SHISA5: variants seen among roughly 807,000 people sequenced by gnomAD.
SHISA5 encodes the protein shisa family member 5, also known as protein shisa-5.
Under a neutral mutation model 27.5 loss-of-function variants are expected in SHISA5, and 21 were observed. The ratio of observed to expected loss-of-function variants is 0.76; its 90% CI spans 0.54 to 1.10. The LOEUF (loss-of-function observed/expected upper bound fraction) is 1.10, where lower values mean the gene tolerates loss of function less well. Among genes scored for constraint, SHISA5 ranks in the 50% least tolerant of loss-of-function variants. SHISA5 has a pLI of 0.00. For synonymous variants in SHISA5, 137 were observed against 142.2 expected (o/e 0.96, Z 0.26); for missense variants, 314 against 336.3 (o/e 0.93, Z 0.52).
At chr3:48,485,802 T>G (rs1575320851) in intron 2 of SHISA5, among the ~76,000 whole-genome samples, 1 of 151,400 alleles carries the variant, frequency 6.6e-6, no homozygotes, top group East Asian at 1.9e-4. Flanking sequence ...GCTGAGGTCC[T>G]TTTTCTCCTT....
At chr3:48,490,579 T>C (rs1450161637) in intron 2 of SHISA5, among the ~76,000 whole-genome samples, 1 of 152,202 alleles carries the variant, frequency 6.6e-6, no homozygotes, top group Non-Finnish European at 1.5e-5. Flanking sequence ...CCCAAATTCC[T>C]ATCTAAGGGG....
chr3:48,471,578 A>AAAT lies in SHISA5; in HGVS notation c.315-1736_315-1735insATT, dbSNP rs199983750. Among the ~76,000 whole-genome samples the AAAT allele has an allele frequency of 7.0e-5, 8 of 113,622 alleles. 2 individuals are homozygous for AAAT. The highest frequency in any genetic ancestry group is 5.4e-4 in the East Asian group (2 of 3,694). The allele number at this position is 113,622 out of a possible 152,430, so 74.5% of individuals were successfully genotyped here. The stretch of plus-strand genomic sequence containing the variant: ...TCAAAAAAAAAAAAAAAAAAAAAAA[A>AAAT]GTCAGCCTTACATTTTGTACTGGAT... On this transcript the variant is annotated intron_variant, in intron 3 of 5. Coordinates refer to ENST00000296444, the MANE Select transcript of SHISA5 (RefSeq NM_016479.6).
chr3:48,501,073 C>G, intron 2 of SHISA5, 64 bp downstream of exon 2: 7 of 1,515,946 alleles, frequency 4.6e-6, no homozygotes, highest in Non-Finnish European at 6.2e-6. Context: ...TATCTCTCTT[C>G]CACATACTCT....
Position 48,500,601 on chromosome 3 carries a change from C to T in SHISA5, c.233+536G>A, listed in dbSNP as rs138244583. 4.7e-3 allele frequency among the ~76,000 whole-genome samples: 722 copies of T among 152,262 alleles called. 6 individuals are homozygous for T. Among genetic ancestry groups the T allele is most frequent in the African/African-American group, 0.016 (680 of 41,558 alleles). ...ATACAGAATACGGCAAAGAGCCACA[C>T]ACAGGGGCCTGGAACCTTGGTCCCA... On this transcript the variant is annotated intron_variant, in intron 2 of 5. Transcript: ENST00000296444.
chr3:48,485,640 GTATA>G (rs1461020099), intron 2 of SHISA5, among the ~76,000 whole-genome samples: 1 of 142,018 alleles, frequency 7.0e-6, no homozygotes, highest in Non-Finnish European at 1.5e-5. Context: ...TTATATATAA[GTATA>G]TATTATATTT....
intron 2 of SHISA5, among the ~76,000 whole-genome samples, chr3:48,500,889 A>G (rs1268391032): frequency 1.3e-5 from 2 of 152,094 alleles, no homozygotes; most frequent in African/African-American, 2.4e-5. Context: ...ACCTCTAAGA[A>G]ACCTGCTCAG....
Position 48,473,085 on chromosome 3 carries a change from C to T in SHISA5, c.315-3242G>A. The T allele has an allele frequency of 6.7e-7, 1 of 1,502,726 alleles. No homozygotes were observed. Among genetic ancestry groups the T allele is most frequent in the Admixed American group, 2.4e-5 (1 of 42,182 alleles). The allele number at this position is 1,502,726 out of a possible 1,614,324, so 93.1% of individuals were successfully genotyped here. Reference sequence around the variant, plus strand: ...TCCCCTCTTCCCATCGTGGGCCACTCAGTTTCAATTTCCTCCCCTTTTGGA... The same window carrying T: ...TCCCCTCTTCCCATCGTGGGCCACTTAGTTTCAATTTCCTCCCCTTTTGGA... On this transcript the variant is annotated intron_variant, in intron 3 of 5. Transcript: ENST00000296444. The surrounding 1 kb of genome is among the most constrained non-coding windows in gnomAD (Gnocchi z 4.3).
rs2040688640 is a variant in SHISA5 at position 48,472,903 on chromosome 3, A to G, written c.315-3060T>C. On this transcript the variant is annotated intron_variant, in intron 3 of 5. Transcript: ENST00000296444. ...GGCAGGAATGGAGAAACGCACACAC[A>G]TTCACACGCCATCAATGACATGCGA... 6.9e-6 allele frequency: 8 copies of G among 1,153,054 alleles called. No individual in the cohort carries two copies. The Admixed American group carries it at 1.0e-4, about 15-fold the overall frequency. 71.4% of individuals were successfully genotyped at this position (1,153,054 alleles called of 1,614,324 possible). A position where few individuals can be genotyped will look rare whatever the true frequency, so the allele number is the denominator to read the frequency against.
Position 48,501,193 on chromosome 3 carries a change from A to C in SHISA5, c.177T>G (p.Ser59=). 6.2e-7 allele frequency: 1 copy of C among 1,614,126 alleles called. No individual in the cohort carries two copies. Among genetic ancestry groups the C allele is most frequent in the Non-Finnish European group, 8.5e-7 (1 of 1,179,988 alleles). Residue 59 remains serine, a synonymous_variant, in exon 2 of 6, where the codon TCT becomes TCG. Transcript: ENST00000296444. ...TCCACACAAATTTCTTCAGCACGTC[A>C]GAGCAGCAGTATTGGTCATCACAGG... The part of the protein sequence containing the change: ...CGTCDDQYCC[S]DVLKKFVWSE...
At chr3:48,485,098 G>C (rs2041154166) in intron 2 of SHISA5, among the ~76,000 whole-genome samples, 1 of 152,042 alleles carries the variant, frequency 6.6e-6, no homozygotes, top group Non-Finnish European at 1.5e-5. Flanking sequence ...AGGATCACTT[G>C]AGGGAGGTAG....
At chr3:48,479,390 G>T in intron 2 of SHISA5, 133 bp from the exon 3 acceptor site, 1 of 741,486 alleles carries the variant, frequency 1.3e-6, no homozygotes. Context: ...TCCAGAGGTG[G>T]ACTCTGCCCA....
rs918735482 is a variant in SHISA5 at position 48,473,036 on chromosome 3, G to A, written c.315-3193C>T. 4 of 1,535,574 alleles carry A rather than the reference G, an allele frequency of 2.6e-6. No individual in the cohort carries two copies. In the African/African-American group the frequency reaches 5.5e-5, roughly 21 times the overall value. On this transcript the variant is annotated intron_variant, in intron 3 of 5. Transcript: ENST00000296444. The surrounding 1 kb of genome is among the most constrained non-coding windows in gnomAD (Gnocchi z 4.3). Reference sequence around the variant, plus strand: ...CCATGTTAGCCTCTGCCTTCACCCAGAGGCCTCCTGTACCCCTGGGCTTTC... The same window carrying A: ...CCATGTTAGCCTCTGCCTTCACCCAAAGGCCTCCTGTACCCCTGGGCTTTC...
intron 1 of SHISA5, chr3:48,503,020 C>G (rs2041801267): frequency 9.4e-7 from 1 of 1,068,122 alleles, no homozygotes; most frequent in African/African-American, 1.6e-5. Flanking sequence ...CAGCTCCAGG[C>G]AGAACCCTGC....
At chr3:48,479,073 C>A in intron 3 of SHISA5, 104 bp downstream of exon 3, 1 of 1,047,058 alleles carries the variant, frequency 9.6e-7, no homozygotes, top group Admixed American at 2.1e-5. Flanking sequence ...TGGGCTCCAC[C>A]CCAATGACCG....
At chr3:48,472,267 C>T (rs538110812) in intron 3 of SHISA5, among the ~76,000 whole-genome samples, 4 of 152,180 alleles carry the variant, frequency 2.6e-5, no homozygotes, top group Admixed American at 6.5e-5. Flanking sequence ...GCAGGCGGAT[C>T]GCCTGAGGTC....
At chr3:48,480,007 C>T (rs550035251) in intron 2 of SHISA5, among the ~76,000 whole-genome samples, 3 of 151,970 alleles carry the variant, frequency 2.0e-5, no homozygotes, top group Non-Finnish European at 2.9e-5. Flanking sequence ...GGCTTCACAC[C>T]GTTCTCCTGC....
At chr3:48,486,305 T>C (rs1157187368) in intron 2 of SHISA5, among the ~76,000 whole-genome samples, 44 of 68,454 alleles carry the variant, frequency 6.4e-4, no homozygotes, top group Non-Finnish European at 4.3e-4. Context: ...TATTATATAT[T>C]ATATAATATA....
intron 2 of SHISA5, among the ~76,000 whole-genome samples, chr3:48,497,551 G>C (rs143725484): frequency 2.6e-5 from 4 of 151,424 alleles, no homozygotes; most frequent in Non-Finnish European, 5.9e-5. Context: ...GTGAGCCACC[G>C]CACCCGGCCA....
chr3:48,480,701 G>A (rs2040980545), intron 2 of SHISA5, among the ~76,000 whole-genome samples: 1 of 152,108 alleles, frequency 6.6e-6, no homozygotes, highest in Admixed American at 6.6e-5. Flanking sequence ...GGAGGTTGCA[G>A]TAAGCTCAGA....
Sources: allele counts gnomAD v4.1 joint callset (sites outside exome capture counted in the v4.1 genomes callset), GRCh38; gene constraint gnomAD v4.1.1; non-coding constraint Gnocchi (gnomAD v3.1); transcripts MANE v1.5; gene names NCBI Gene and HGNC (gene_info 2026-07-23, HGNC 2026-07-21).